The following SPOCK3 variants were observed in gnomAD, a reference collection of about 807,000 sequenced individuals.
SPOCK3 encodes the protein testican-3.
SPOCK3 carries 30 observed loss-of-function variants against 56.6 expected under a neutral mutation model. The observed-to-expected ratio is 0.53, with a 90% CI of 0.40 to 0.72. The LOEUF is 0.72. Among genes scored for constraint, SPOCK3 ranks in the 30% least tolerant of loss-of-function variants. The pLI is 0.00. For synonymous variants in SPOCK3, 196 were observed against 183.3 expected, an observed-to-expected ratio of 1.07 and a Z score of -0.56; for missense variants, 527 against 530.0, an observed-to-expected ratio of 0.99 and a Z score of 0.06.
intron 2 of SPOCK3, among the ~76,000 whole-genome samples, chr4:167,194,929 C>A (rs1054354378): frequency 1.3e-5 from 2 of 152,142 alleles, no homozygotes; most frequent in African/African-American, 4.8e-5. Context: ...TGTAAAGATA[C>A]CTGTGTTGGC....
Position 167,109,863 on chromosome 4 carries a change from T to C in SPOCK3, c.190-47326A>G, listed in dbSNP as rs1219337832. On this transcript the variant is annotated intron_variant, in intron 2 of 10. Coordinates refer to ENST00000357545, the MANE Select transcript of SPOCK3 (RefSeq NM_001040159.2). ...AATAGTATACTCCATCATAAAATCA[T>C]ATCTTTCTACTGCATTTTCTATGTT... Among the ~76,000 whole-genome samples the C allele has an allele frequency of 2.0e-5, 3 of 151,820 alleles. 1 individual carries two copies. The highest frequency in any genetic ancestry group is 7.3e-5 in the African/African-American group (3 of 41,352).
chr4:167,204,322 C>A (rs986112250), intron 2 of SPOCK3, among the ~76,000 whole-genome samples: 32 of 151,966 alleles, frequency 2.1e-4, no homozygotes, highest in Admixed American at 1.2e-3. Flanking sequence ...CACACTGCTA[C>A]GAAGAAATAG....
intron 6 of SPOCK3, among the ~76,000 whole-genome samples, chr4:166,833,639 C>T (rs1272493411): frequency 6.6e-6 from 1 of 152,152 alleles, no homozygotes; most frequent in Non-Finnish European, 1.5e-5. Context: ...CTATTTGCCC[C>T]ACATATTCCC....
At chr4:166,771,276 C>A (rs1265041990) in intron 7 of SPOCK3, among the ~76,000 whole-genome samples, 2 of 151,818 alleles carry the variant, frequency 1.3e-5, no homozygotes, top group African/African-American at 2.4e-5. Flanking sequence ...ATCTAACATT[C>A]TTCTCAGCAT....
At chr4:167,130,333 T>C (rs1762603778) in intron 2 of SPOCK3, among the ~76,000 whole-genome samples, 1 of 152,166 alleles carries the variant, frequency 6.6e-6, no homozygotes, top group South Asian at 2.1e-4. Flanking sequence ...ATATTTAAAT[T>C]AGACATAAAA....
chr4:167,027,850 A>G (rs1295846278), intron 3 of SPOCK3, among the ~76,000 whole-genome samples: 1 of 152,044 alleles, frequency 6.6e-6, no homozygotes, highest in African/African-American at 2.4e-5. Flanking sequence ...CAGGGGTGTC[A>G]GAGGTGGCAG....
At chr4:166,938,621 A>C (rs1740718584) in intron 4 of SPOCK3, among the ~76,000 whole-genome samples, 1 of 152,050 alleles carries the variant, frequency 6.6e-6, no homozygotes, top group Non-Finnish European at 1.5e-5. Flanking sequence ...GGGGGAGAAA[A>C]GAATAAAAAT....
At chr4:166,925,956 A>G (rs1739048106) in intron 4 of SPOCK3, among the ~76,000 whole-genome samples, 1 of 152,208 alleles carries the variant, frequency 6.6e-6, no homozygotes, top group Admixed American at 6.5e-5. Flanking sequence ...ATGCAAATAT[A>G]TCTATGTCCC....
chr4:166,912,491 A>C (rs1226821523), intron 5 of SPOCK3, 129 bp downstream of exon 5: 2 of 955,178 alleles, frequency 2.1e-6, no homozygotes, highest in Non-Finnish European at 3.1e-6. Flanking sequence ...CAAACCAGTG[A>C]GATTATTAAT....
chr4:166,911,035 T>G (rs1054285553), intron 5 of SPOCK3, among the ~76,000 whole-genome samples: 2 of 152,212 alleles, frequency 1.3e-5, no homozygotes, highest in African/African-American at 4.8e-5. Context: ...AGATTCACTC[T>G]CCCTTGTACT....
At chr4:167,015,349 T>G (rs1750516933) in intron 3 of SPOCK3, among the ~76,000 whole-genome samples, 1 of 152,166 alleles carries the variant, frequency 6.6e-6, no homozygotes, top group Non-Finnish European at 1.5e-5. Context: ...CTGAGACTAT[T>G]TTGTAAAACC....
chr4:167,056,652 G>A (rs1230144747), intron 3 of SPOCK3, among the ~76,000 whole-genome samples: 2 of 152,170 alleles, frequency 1.3e-5, no homozygotes, highest in African/African-American at 4.8e-5. Context: ...GAAGCCTCAG[G>A]AGCCAATGCG....
In SPOCK3 at chr4:167,048,410, G is replaced by A. The variant is rs757598040; in HGVS notation, c.235+14082C>T. Among the ~76,000 whole-genome samples the A allele has an allele frequency of 3.2e-4, 49 of 151,738 alleles. No individual in the cohort carries two copies. The Middle Eastern group carries it at 0.017, about 53-fold the overall frequency. On this transcript the variant is annotated intron_variant, in intron 3 of 10. Coordinates refer to ENST00000357545, the MANE Select transcript of SPOCK3 (RefSeq NM_001040159.2). ...TTTATACTGTTCTAAAATAAGTGTC[G>A]GAAGAAACCAGACATGCCCAATATA...
chr4:167,205,390 TTTTATATATA>T (rs1734089562), intron 2 of SPOCK3, among the ~76,000 whole-genome samples: 2 of 42,216 alleles, frequency 4.7e-5, no homozygotes, highest in East Asian at 9.3e-4. Context: ...AATATATATA[TTTTATATATA>T]ATATATTATA....
rs539392403 is a variant in SPOCK3 at position 166,906,511 on chromosome 4, T to C, written c.474+6109A>G. 3.4e-3 allele frequency among the ~76,000 whole-genome samples: 510 copies of C among 150,188 alleles called. 7 individuals carry two copies. Among genetic ancestry groups the C allele is most frequent in the African/African-American group, 0.012 (486 of 41,108 alleles). ...AAAAAAAAAAAAAAAACCTACCTTC[T>C]ACTATACACAAAAACTAATCAGTAT... On this transcript the variant is annotated intron_variant, in intron 5 of 10. Coordinates refer to ENST00000357545, the MANE Select transcript of SPOCK3 (RefSeq NM_001040159.2).
intron 8 of SPOCK3, among the ~76,000 whole-genome samples, chr4:166,753,495 C>T (rs983038340): frequency 1.3e-5 from 2 of 151,942 alleles, no homozygotes; most frequent in Admixed American, 6.6e-5. Context: ...TCAACTAAAG[C>T]TTCTGTTGAC....
chr4:166,803,774 T>C (rs1044843866), intron 6 of SPOCK3, among the ~76,000 whole-genome samples: 1 of 152,158 alleles, frequency 6.6e-6, no homozygotes, highest in Non-Finnish European at 1.5e-5. Context: ...ACCAAAATGC[T>C]ATTAAAATTT....
intron 2 of SPOCK3, among the ~76,000 whole-genome samples, chr4:167,183,701 C>T (rs575440805): frequency 2.0e-5 from 3 of 152,142 alleles, no homozygotes; most frequent in South Asian, 2.1e-4. Flanking sequence ...AACAAATTCC[C>T]GGAATAATAA....
intron 2 of SPOCK3, chr4:167,083,303 T>A: frequency 2.6e-6 from 2 of 764,886 alleles, no homozygotes; most frequent in South Asian, 2.7e-5. Context: ...CAGGTTGTCA[T>A]CTGCTCCTAC....
Sources: allele counts gnomAD v4.1 joint callset (sites outside exome capture counted in the v4.1 genomes callset), GRCh38; gene constraint gnomAD v4.1.1; transcripts MANE v1.5; gene names NCBI Gene and HGNC (gene_info 2026-07-23, HGNC 2026-07-21).